The following MYH15 variants were observed in gnomAD, a reference collection of about 807,000 sequenced individuals.
MYH15 encodes myosin-15.
A neutral mutation model predicts 240.5 loss-of-function variants in MYH15; 227 were observed. That is an observed-to-expected ratio of 0.94 (90% CI 0.85 to 1.05). The LOEUF is 1.05. Among genes scored for constraint, MYH15 ranks in the 50% least tolerant of loss-of-function variants. The pLI, the probability that MYH15 is intolerant of heterozygous loss-of-function variation, is 0.00. For synonymous variants in MYH15, 785 were observed against 796.7 expected (o/e 0.99, Z 0.25); for missense variants, 2,217 against 2,247.5 (o/e 0.99, Z 0.27).
In MYH15 at chr3:108,470,208, T is replaced by C; in HGVS notation, c.1388A>G (p.Asn463Ser). The change falls in exon 14 of 41, where the codon AAT (asparagine) becomes AGT (serine). Residue 463 changes from asparagine (N) to serine (S), a missense_variant. Asn to Ser is a conservative substitution (Grantham distance 46, BLOSUM62 1). Transcript: ENST00000693548. ...DITGFEILEY[N>S]SLEQLCINFT... ...ATTAATGCAAAGTTGCTCAAGGCTA[T>C]TATACTTCAAGGATATGAATAGGTA... The C allele has an allele frequency of 1.3e-6, 2 of 1,598,884 alleles. No individual in the cohort carries two copies. The highest frequency in any genetic ancestry group is 8.5e-7 in the Non-Finnish European group (1 of 1,172,592).
chr3:108,463,074 C>G (rs767280773), intron 16 of MYH15, 37 bp downstream of exon 16: 4 of 1,573,114 alleles, frequency 2.5e-6, no homozygotes, highest in Non-Finnish European at 3.4e-6. Flanking sequence ...GGGTTCCATT[C>G]TGAGGCTGAA....
chr3:108,496,919 T>C (rs894153956), intron 6 of MYH15, among the ~76,000 whole-genome samples: 1 of 151,520 alleles, frequency 6.6e-6, no homozygotes, highest in East Asian at 1.9e-4. Flanking sequence ...TCCCAGCACT[T>C]TGGAGGCCTA....
chr3:108,543,126 G>A, the MYH15 span, among the ~76,000 whole-genome samples: 8 of 151,998 alleles, frequency 5.3e-5, no homozygotes, highest in East Asian at 1.9e-4. Context: ...TGATCCGCCC[G>A]CCTTGGCCTC....
chr3:108,443,066 A>C (rs555219391), intron 22 of MYH15, among the ~76,000 whole-genome samples: 51 of 152,256 alleles, frequency 3.3e-4, no homozygotes, highest in African/African-American at 1.2e-3. Flanking sequence ...ACTTTCCATC[A>C]GTAGGAAGAA....
At chr3:108,421,322 TGTA>T in intron 27 of MYH15, 108 bp from the exon 28 acceptor site, 1 of 1,282,178 alleles carries the variant, frequency 7.8e-7, no homozygotes, top group Non-Finnish European at 1.1e-6. Context: ...TGCTCTCTTC[TGTA>T]GTAAAGAGCT....
chr3:108,438,031 C>T (rs546945762), intron 24 of MYH15, among the ~76,000 whole-genome samples: 1 of 152,294 alleles, frequency 6.6e-6, no homozygotes, highest in African/African-American at 2.4e-5. Context: ...GCTCATTTCA[C>T]GGGTGGATAA....
intron 9 of MYH15, among the ~76,000 whole-genome samples, chr3:108,489,615 A>C (rs1266911504): frequency 6.6e-6 from 1 of 152,154 alleles, no homozygotes; most frequent in Admixed American, 6.5e-5. Flanking sequence ...ATGTCACCTC[A>C]TTTCCTTCGC....
chr3:108,498,002 C>T (rs990257151), intron 6 of MYH15, 50 bp downstream of exon 6: 2 of 1,515,768 alleles, frequency 1.3e-6, no homozygotes, highest in African/African-American at 1.4e-5. Flanking sequence ...CTCCATGATC[C>T]AGTGGATAGG....
chr3:108,473,732 T>C (rs1190501916), intron 12 of MYH15, among the ~76,000 whole-genome samples: 1 of 152,192 alleles, frequency 6.6e-6, no homozygotes, highest in Non-Finnish European at 1.5e-5. Context: ...CTAGGTGACA[T>C]AGTTAGAAAT....
intron 9 of MYH15, among the ~76,000 whole-genome samples, chr3:108,489,567 C>T (rs1053749135): frequency 1.3e-5 from 2 of 152,036 alleles, no homozygotes; most frequent in African/African-American, 4.8e-5. Flanking sequence ...GTGCTCATGG[C>T]CATGTAGAGG....
chr3:108,511,332 C>G (rs1378217276), upstream of MYH15, among the ~76,000 whole-genome samples: 3 of 152,084 alleles, frequency 2.0e-5, no homozygotes, highest in African/African-American at 7.2e-5. Context: ...TGGCCAAGAG[C>G]AGTAATGAAG....
At chr3:108,393,986 G>GTGAAC in intron 36 of MYH15, 45 bp downstream of exon 36, 1 of 1,612,078 alleles carries the variant, frequency 6.2e-7, no homozygotes. Flanking sequence ...CACTGCGCCA[G>GTGAAC]TGAACTCTGG....
chr3:108,442,449 C>T (rs1263814876), intron 22 of MYH15, among the ~76,000 whole-genome samples: 1 of 152,146 alleles, frequency 6.6e-6, no homozygotes, highest in Non-Finnish European at 1.5e-5. Flanking sequence ...AGAGAAGCTT[C>T]CAATGTATGG....
intron 25 of MYH15, among the ~76,000 whole-genome samples, chr3:108,432,319 G>C (rs969155085): frequency 2.6e-5 from 4 of 152,048 alleles, no homozygotes; most frequent in Non-Finnish European, 4.4e-5. Flanking sequence ...TTGGCCTCCA[G>C]AGTGCTAGGA....
intron 33 of MYH15, among the ~76,000 whole-genome samples, chr3:108,403,167 C>T (rs955838216): frequency 6.6e-6 from 1 of 152,160 alleles, no homozygotes; most frequent in Non-Finnish European, 1.5e-5. Flanking sequence ...ACTTTTCACC[C>T]CCAACAGGCC....
intron 21 of MYH15, among the ~76,000 whole-genome samples, chr3:108,445,803 T>C (rs1187952790): frequency 6.6e-6 from 1 of 151,864 alleles, no homozygotes; most frequent in Non-Finnish European, 1.5e-5. Flanking sequence ...GAAAGAACTT[T>C]AGAAACAATG....
At chr3:108,390,346 G>A (rs928879886) in intron 37 of MYH15, among the ~76,000 whole-genome samples, 2 of 152,074 alleles carry the variant, frequency 1.3e-5, no homozygotes, top group Non-Finnish European at 2.9e-5. Context: ...GTTCATTGCT[G>A]GTCGTTGCTA....
chr3:108,457,475 A>G (rs1322243762), intron 18 of MYH15, among the ~76,000 whole-genome samples: 4 of 152,118 alleles, frequency 2.6e-5, no homozygotes, highest in African/African-American at 9.7e-5. Context: ...TCGTTCATCA[A>G]AAGAAGCTCT....
chr3:108,501,602 T>C, intron 3 of MYH15, 110 bp downstream of exon 3: 1 of 1,383,944 alleles, frequency 7.2e-7, no homozygotes, highest in Non-Finnish European at 1.0e-6. Context: ...GCTCAAGGAC[T>C]ATCCCTGTGC....
Sources: allele counts gnomAD v4.1 joint callset (sites outside exome capture counted in the v4.1 genomes callset), GRCh38; gene constraint gnomAD v4.1.1; transcripts MANE v1.5; gene names NCBI Gene and HGNC (gene_info 2026-07-23, HGNC 2026-07-21).